The following CCDC141 variants were observed in gnomAD, a reference collection of about 807,000 sequenced individuals.
CCDC141 encodes coiled-coil domain-containing protein 141.
In CCDC141, 168 loss-of-function variants were observed where a neutral mutation model predicts 181.0. That is an observed-to-expected ratio of 0.93 (90% CI 0.82 to 1.05). The LOEUF is 1.05. CCDC141 is among the 50% of genes least tolerant of loss of function. The probability of loss-of-function intolerance (pLI) is 0.00; values close to 1 mark genes in which losing one functional copy is unlikely to be tolerated. For missense variants in CCDC141, 1,902 were observed against 1,788.5 expected (o/e 1.06, Z -1.14); for synonymous variants, 666 against 642.3 (o/e 1.04, Z -0.56).
intron 12 of CCDC141, chr2:178,875,210 A>T (rs541190465): frequency 6.6e-6 from 1 of 152,298 alleles, no homozygotes; most frequent in Non-Finnish European, 1.5e-5. Flanking sequence ...AATATTCGCT[A>T]GTTCTGCCAA....
Position 178,888,653 on chromosome 2 carries a change from G to T in CCDC141, c.1281C>A (p.Gly427=). 1 of 1,550,658 alleles carries T rather than the reference G, an allele frequency of 6.4e-7. No individual in the cohort carries two copies. Residue 427 remains glycine (G), a synonymous_variant, in exon 9 of 24, where the codon GGC becomes GGA. Transcript: ENST00000443758. The stretch of plus-strand genomic sequence containing the variant: ...TAATGCACCCCATCATCTCATGGAT[G>T]CCGGACACCTGAGAGCTGAACAGAG... The part of the protein sequence containing the change: ...QVDSCSSQVS[G]IHEMMGCIKR...
intron 22 of CCDC141, among the ~76,000 whole-genome samples, chr2:178,843,556 T>C (rs1181926457): frequency 6.6e-6 from 1 of 152,208 alleles, no homozygotes; most frequent in Non-Finnish European, 1.5e-5. Context: ...TTCCACCTGC[T>C]GCATTTTTGG....
At chr2:178,818,990 A>C in the CCDC141 span, among the ~76,000 whole-genome samples, 1 of 152,188 alleles carries the variant, frequency 6.6e-6, no homozygotes, top group Non-Finnish European at 1.5e-5. Flanking sequence ...AGGGAGAAAG[A>C]AGGGCAGACA....
chr2:178,845,541 C>A, intron 22 of CCDC141, 85 bp downstream of exon 22: 2 of 756,346 alleles, frequency 2.6e-6, no homozygotes, highest in Non-Finnish European at 4.7e-6. Context: ...AAGAAAGCTG[C>A]AATTCACTTT....
At position 178,905,493 on chromosome 2, in the gene CCDC141, A is replaced by C; in HGVS notation, c.1101T>G (p.Asp367Glu). ...EFFNSANKAF[D>E]VLGRVEAYLK... is the part of the protein sequence containing the mutation. Reference sequence around the variant, plus strand: ...GGTAAGCTTCAACTCTTCCAAGTACATCAAATGCCTGCCAAAGAAAACATA... The same window carrying C: ...GGTAAGCTTCAACTCTTCCAAGTACCTCAAATGCCTGCCAAAGAAAACATA... The change falls in exon 8 of 24, where the codon GAT (aspartate) becomes GAG (glutamate). Residue 367 changes from aspartate (D) to glutamate (E), a missense_variant. Transcript: ENST00000443758. 4 of 1,542,052 alleles carry C rather than the reference A, an allele frequency of 2.6e-6. No homozygotes were observed. The highest frequency in any genetic ancestry group is 3.5e-6 in the Non-Finnish European group (4 of 1,144,596).
At chr2:178,867,538 T>A (rs1041869207) in intron 16 of CCDC141, among the ~76,000 whole-genome samples, 1 of 152,188 alleles carries the variant, frequency 6.6e-6, no homozygotes, top group Admixed American at 6.5e-5. Flanking sequence ...TAAATTTCGA[T>A]CAGAAATATT....
rs1204685279 is a variant in CCDC141, at chr2:178,872,201, GC to G, written c.2010del (p.Trp670CysfsTer29). ...REELSLLRLA[W>X]QLKATESKPG... is the part of the protein sequence containing the mutation. ...GGCTTGCTTTCCGTGGCTTTAAGCT[GC>G]CATGCCAGCCGAAGGAGGCTAAGTT... is the stretch of plus-strand genomic sequence containing the variant. On this transcript the variant is annotated frameshift_variant, in exon 13 of 24. Transcript: ENST00000443758. LOFTEE classifies it high-confidence loss of function. 6.2e-7 allele frequency: 1 copy of G among 1,613,846 alleles called. No homozygotes were observed.
intron 8 of CCDC141, among the ~76,000 whole-genome samples, chr2:178,901,165 G>A (rs373773825): frequency 6.6e-5 from 10 of 152,054 alleles, no homozygotes; most frequent in South Asian, 2.1e-4. Flanking sequence ...CTCCCCATGC[G>A]TGGCCAGAGG....
intron 5 of CCDC141, among the ~76,000 whole-genome samples, chr2:178,949,703 C>T (rs1016332224): frequency 6.6e-6 from 1 of 152,176 alleles, no homozygotes; most frequent in Non-Finnish European, 1.5e-5. Context: ...ATGTGTGGGT[C>T]AGGCCTGTCA....
intron 2 of CCDC141, among the ~76,000 whole-genome samples, chr2:179,016,397 A>T (rs1219851603): frequency 6.6e-6 from 1 of 152,120 alleles, no homozygotes; most frequent in Non-Finnish European, 1.5e-5. Context: ...TATACATATA[A>T]ACATATATTT....
At chr2:179,015,091 T>TC (rs2042406736) in intron 2 of CCDC141, among the ~76,000 whole-genome samples, 1 of 42,032 alleles carries the variant, frequency 2.4e-5, no homozygotes, top group African/African-American at 6.7e-5. Context: ...TATATATATA[T>TC]ATATATATAT....
At chr2:178,990,091 A>G (rs11678043) in intron 2 of CCDC141, among the ~76,000 whole-genome samples, 63,061 of 148,816 alleles carry the variant, frequency 0.42, 13,975 homozygotes, top group East Asian at 0.71. Flanking sequence ...GTGAGCTGAG[A>G]TTGCACCGTT....
intron 2 of CCDC141, among the ~76,000 whole-genome samples, chr2:178,998,529 T>C (rs945319156): frequency 1.3e-5 from 2 of 152,290 alleles, no homozygotes; most frequent in African/African-American, 4.8e-5. Context: ...CACTCCTGAA[T>C]GGTTTCTGTC....
At chr2:179,047,551 A>T (rs754556030) in intron 1 of CCDC141, 145 bp from the exon 2 acceptor site, 5 of 653,736 alleles carry the variant, frequency 7.6e-6, no homozygotes, top group Admixed American at 3.8e-5. Context: ...TTCTTTCCAT[A>T]GAGATGGGGT....
intron 6 of CCDC141, among the ~76,000 whole-genome samples, chr2:178,921,549 T>G (rs1429910356): frequency 6.6e-6 from 1 of 151,596 alleles, no homozygotes; most frequent in East Asian, 1.9e-4. Flanking sequence ...TTTTGTGGTT[T>G]TCGTTTGTTT....
chr2:179,050,122 TGAGA>T lies in CCDC141; in HGVS notation c.-185_-182del, dbSNP rs1231245495. 2 of 911,930 alleles carry T rather than the reference TGAGA, an allele frequency of 2.2e-6. No homozygotes were observed. Among genetic ancestry groups the T allele is most frequent in the Non-Finnish European group, 3.1e-6 (2 of 641,622 alleles). The allele number at this position is 911,930 out of a possible 1,614,324, so 56.5% of individuals were successfully genotyped here. A position where few individuals can be genotyped will look rare whatever the true frequency, so the allele number is the denominator to read the frequency against. Reference sequence around the variant, plus strand: ...ATAGACAACCCCATTGAGTTTATCGTGAGAGAGAAAGGAGCGAACGAGAGAGAAT... The same window carrying T: ...ATAGACAACCCCATTGAGTTTATCGTGAGAAAGGAGCGAACGAGAGAGAAT... On this transcript the variant is annotated 5_prime_UTR_variant, in exon 1 of 24. Coordinates refer to ENST00000443758, the MANE Select transcript of CCDC141 (RefSeq NM_173648.4).
chr2:178,863,626 A>G (rs542824075), intron 17 of CCDC141, among the ~76,000 whole-genome samples: 6 of 152,312 alleles, frequency 3.9e-5, no homozygotes, highest in Non-Finnish European at 7.3e-5. Flanking sequence ...GACACGGAAA[A>G]TATTCCTTCT....
At chr2:178,949,991 CT>C in intron 5 of CCDC141, among the ~76,000 whole-genome samples, 1 of 152,264 alleles carries the variant, frequency 6.6e-6, no homozygotes, top group Non-Finnish European at 1.5e-5. Context: ...TCTCTTTTAT[CT>C]TTATTTAAAA....
At chr2:178,982,280 A>G (rs1400056628) in intron 2 of CCDC141, among the ~76,000 whole-genome samples, 1 of 152,228 alleles carries the variant, frequency 6.6e-6, no homozygotes, top group South Asian at 2.1e-4. Flanking sequence ...AAGATCAATA[A>G]CAAAAAAATT....
Sources: gnomAD v4.1 joint callset for allele counts (sites outside exome capture counted in the v4.1 genomes callset) on GRCh38, gnomAD v4.1.1 for gene constraint, MANE v1.5 for transcripts, NCBI Gene and HGNC (gene_info 2026-07-23, HGNC 2026-07-21) for gene names.